Variants in EXOC4 observed in about 807,000 individuals in gnomAD.
EXOC4 encodes the protein SEC8-like 1.
Under a neutral mutation model 107.2 loss-of-function variants are expected in EXOC4, and 71 were observed. That is an observed-to-expected ratio of 0.66 (90% CI 0.55 to 0.81). The LOEUF (loss-of-function observed/expected upper bound fraction) is 0.81. EXOC4 is among the 30% of genes least tolerant of loss of function. EXOC4 has a pLI of 0.00. For synonymous variants in EXOC4, 456 were observed against 441.2 expected, an observed-to-expected ratio of 1.03 and a Z score of -0.42; for missense variants, 1,108 against 1,189.6, an observed-to-expected ratio of 0.93 and a Z score of 1.01.
At chr7:133,263,245 C>T (rs1053732659) in intron 1 of EXOC4, among the ~76,000 whole-genome samples, 1 of 152,036 alleles carries the variant, frequency 6.6e-6, no homozygotes, top group South Asian at 2.1e-4. Context: ...ATTACAAAAT[C>T]ACATGTGTGC....
At chr7:133,959,512 G>A (rs1800892654) in intron 14 of EXOC4, among the ~76,000 whole-genome samples, 1 of 151,484 alleles carries the variant, frequency 6.6e-6, no homozygotes, top group Non-Finnish European at 1.5e-5. Context: ...TGAATTTTAG[G>A]TCTACAGAGA....
chr7:133,561,789 G>A (rs1367276251), intron 9 of EXOC4, among the ~76,000 whole-genome samples: 1 of 152,192 alleles, frequency 6.6e-6, no homozygotes, highest in Non-Finnish European at 1.5e-5. Context: ...ATCCCAGTCT[G>A]AGTGAGTGTG....
intron 3 of EXOC4, chr7:133,290,808 A>G (rs1268514707): frequency 2.6e-5 from 4 of 152,174 alleles, no homozygotes; most frequent in Admixed American, 1.3e-4. Flanking sequence ...CAGAAATTCA[A>G]CTCTAGCTAG....
At chr7:133,517,451 T>A (rs375382796) in intron 9 of EXOC4, among the ~76,000 whole-genome samples, 1 of 152,188 alleles carries the variant, frequency 6.6e-6, no homozygotes, top group African/African-American at 2.4e-5. Flanking sequence ...CTCATTTTCA[T>A]GCCGCTGATA....
At chr7:133,270,728 A>T (rs1203170683) in intron 1 of EXOC4, among the ~76,000 whole-genome samples, 1 of 152,176 alleles carries the variant, frequency 6.6e-6, no homozygotes, top group African/African-American at 2.4e-5. Context: ...TCTGCATTAC[A>T]CAGAGGCTTA....
At chr7:133,465,683 A>G (rs545961300) in intron 7 of EXOC4, among the ~76,000 whole-genome samples, 121 of 152,320 alleles carry the variant, frequency 7.9e-4, no homozygotes, top group African/African-American at 2.7e-3. Flanking sequence ...GAAATCACAT[A>G]AAGTATATCC....
intron 9 of EXOC4, chr7:133,484,011 TC>T (rs760167091): frequency 6.2e-7 from 1 of 1,613,892 alleles, no homozygotes; most frequent in East Asian, 2.2e-5. Flanking sequence ...TAATTTCGGT[TC>T]ATACGTCAAC....
chr7:133,980,338 G>A (rs949438731), intron 14 of EXOC4, among the ~76,000 whole-genome samples: 2 of 152,214 alleles, frequency 1.3e-5, no homozygotes, highest in African/African-American at 2.4e-5. Flanking sequence ...TCACCAGGGG[G>A]TTCAATAAAG....
At chr7:133,961,362 C>T (rs1800940590) in intron 14 of EXOC4, among the ~76,000 whole-genome samples, 1 of 142,818 alleles carries the variant, frequency 7.0e-6, no homozygotes, top group Non-Finnish European at 1.5e-5. Flanking sequence ...TTTCGGCTCA[C>T]TGCAACCTCT....
At chr7:133,597,591 C>A (rs1485137169) in intron 9 of EXOC4, among the ~76,000 whole-genome samples, 2 of 150,922 alleles carry the variant, frequency 1.3e-5, no homozygotes, top group African/African-American at 4.9e-5. Flanking sequence ...AAAAAAAACC[C>A]CGAATCCTTG....
chr7:133,639,000 G>A (rs1169198374), intron 10 of EXOC4, among the ~76,000 whole-genome samples: 4 of 152,026 alleles, frequency 2.6e-5, no homozygotes, highest in African/African-American at 4.8e-5. Context: ...ACATGTGTTC[G>A]TCTTTTGGAC....
intron 1 of EXOC4, among the ~76,000 whole-genome samples, chr7:133,261,322 A>C (rs1444317481): frequency 1.3e-5 from 2 of 149,014 alleles, no homozygotes; most frequent in Non-Finnish European, 3.0e-5. Flanking sequence ...GCTGGAGCGC[A>C]GTAGTGTGAT....
At chr7:133,592,444 T>G (rs1440363883) in intron 9 of EXOC4, among the ~76,000 whole-genome samples, 2 of 152,184 alleles carry the variant, frequency 1.3e-5, no homozygotes, top group Non-Finnish European at 2.9e-5. Flanking sequence ...GTTATTAATT[T>G]TTTTAAATTT....
At chr7:133,472,674 A>T (rs2150844448) in intron 7 of EXOC4, among the ~76,000 whole-genome samples, 1 of 152,296 alleles carries the variant, frequency 6.6e-6, no homozygotes, top group East Asian at 1.9e-4. Context: ...TACTTTTTAA[A>T]GTTTGGGACT....
intron 7 of EXOC4, among the ~76,000 whole-genome samples, chr7:133,430,868 C>T: frequency 6.6e-6 from 1 of 152,156 alleles, no homozygotes; most frequent in East Asian, 1.9e-4. Flanking sequence ...AATTGTAGAG[C>T]TTGAGAGGTT....
intron 11 of EXOC4, among the ~76,000 whole-genome samples, chr7:133,877,782 T>C (rs1798881451): frequency 1.3e-5 from 2 of 152,302 alleles, no homozygotes; most frequent in Admixed American, 1.3e-4. Context: ...GCTCTCTTTC[T>C]CTCCCCACCC....
chr7:133,641,431 C>CAT (rs34252534), intron 10 of EXOC4, among the ~76,000 whole-genome samples: 68,672 of 151,698 alleles, frequency 0.45, 15,728 homozygotes, highest in South Asian at 0.57. Flanking sequence ...CCTGAGCACA[C>CAT]ATATATATAT....
intron 10 of EXOC4, among the ~76,000 whole-genome samples, chr7:133,700,278 C>T (rs1300784334): frequency 6.6e-6 from 1 of 152,096 alleles, no homozygotes; most frequent in African/African-American, 2.4e-5. Flanking sequence ...TTAACAGAAG[C>T]CCTCTTCAAA....
intron 10 of EXOC4, among the ~76,000 whole-genome samples, chr7:133,740,261 G>A (rs1386317520): frequency 6.6e-6 from 1 of 152,220 alleles, no homozygotes; most frequent in East Asian, 1.9e-4. Context: ...TTGTGCACTG[G>A]AAGCAACAAG....
Sources: allele counts gnomAD v4.1 joint callset (sites outside exome capture counted in the v4.1 genomes callset), GRCh38; gene constraint gnomAD v4.1.1; transcripts MANE v1.5; gene names NCBI Gene and HGNC (gene_info 2026-07-23, HGNC 2026-07-21).